LINGO2: variants seen among roughly 807,000 people sequenced by gnomAD.
LINGO2 encodes leucine rich repeat and Ig domain containing 2.
Under a neutral mutation model 30.6 loss-of-function variants are expected in LINGO2, and 14 were observed. That is an observed-to-expected ratio of 0.46 (90% CI 0.30 to 0.72). LINGO2 has a LOEUF of 0.72. LINGO2 is among the 30% of genes least tolerant of loss of function. LINGO2 has a pLI of 0.07. For synonymous variants in LINGO2, 317 were observed against 288.5 expected (o/e 1.10, Z -1.00); for missense variants, 729 against 751.7 (o/e 0.97, Z 0.35).
At chr9:28,548,081 C>G (rs1191141795) in intron 1 of LINGO2, among the ~76,000 whole-genome samples, 2 of 152,070 alleles carry the variant, frequency 1.3e-5, no homozygotes, top group Non-Finnish European at 2.9e-5. Flanking sequence ...ACCTGGAGAG[C>G]TCACAGATCC....
intron 4 of LINGO2, among the ~76,000 whole-genome samples, chr9:28,246,769 A>G (rs1377737362): frequency 6.6e-6 from 1 of 152,184 alleles, no homozygotes; most frequent in Admixed American, 6.5e-5. Context: ...TAATTAAACT[A>G]AAGAGCTTCT....
At chr9:28,210,474 G>A (rs1820550220) in intron 4 of LINGO2, among the ~76,000 whole-genome samples, 2 of 151,606 alleles carry the variant, frequency 1.3e-5, no homozygotes, top group African/African-American at 2.4e-5. Flanking sequence ...AATAGATGCT[G>A]TTCATATGAA....
At chr9:28,029,550 T>C (rs117020891) in intron 4 of LINGO2, among the ~76,000 whole-genome samples, 9 of 152,234 alleles carry the variant, frequency 5.9e-5, no homozygotes, top group Non-Finnish European at 8.8e-5. Context: ...GGAGCAGCTA[T>C]GAAAGGAACC....
At chr9:27,971,304 T>C (rs1820341861) in intron 5 of LINGO2, among the ~76,000 whole-genome samples, 1 of 152,006 alleles carries the variant, frequency 6.6e-6, no homozygotes, top group African/African-American at 2.4e-5. Flanking sequence ...TCTTTCCCTC[T>C]CACCCAAAGT....
chr9:28,931,442 G>T, the LINGO2 span, among the ~76,000 whole-genome samples: 1 of 152,168 alleles, frequency 6.6e-6, no homozygotes, highest in Non-Finnish European at 1.5e-5. Flanking sequence ...CTCTGGTACT[G>T]AGTTACTCAA....
At chr9:29,164,875 G>C in the LINGO2 span, among the ~76,000 whole-genome samples, 1 of 152,006 alleles carries the variant, frequency 6.6e-6, no homozygotes, top group Non-Finnish European at 1.5e-5. Context: ...TTTATTCACT[G>C]ATCTATTAAC....
the LINGO2 span, among the ~76,000 whole-genome samples, chr9:29,118,890 C>T: frequency 6.6e-6 from 1 of 152,156 alleles, no homozygotes; most frequent in Non-Finnish European, 1.5e-5. Context: ...CCCATCCATG[C>T]CCCAGTAACA....
At chr9:28,792,338 G>A in the LINGO2 span, among the ~76,000 whole-genome samples, 16 of 151,960 alleles carry the variant, frequency 1.1e-4, no homozygotes, top group South Asian at 2.1e-4. Flanking sequence ...ATAAATCCCC[G>A]AATCGAAATA....
At chr9:28,203,601 G>A (rs1275742617) in intron 4 of LINGO2, among the ~76,000 whole-genome samples, 1 of 152,000 alleles carries the variant, frequency 6.6e-6, no homozygotes, top group Non-Finnish European at 1.5e-5. Context: ...TAAAGAATGT[G>A]ATAAACTCAT....
At chr9:28,506,487 T>TATATATATATATATATATAGATAG (rs1554729610) in intron 1 of LINGO2, among the ~76,000 whole-genome samples, 2 of 40,446 alleles carry the variant, frequency 4.9e-5, no homozygotes, top group African/African-American at 1.3e-4. Flanking sequence ...CACATACACA[T>TATATATATATATATATATAGATAG]ACACACACAC....
the LINGO2 span, among the ~76,000 whole-genome samples, chr9:28,927,663 T>C: frequency 2.0e-5 from 3 of 152,174 alleles, no homozygotes; most frequent in African/African-American, 2.4e-5. Flanking sequence ...ACTGGATAAA[T>C]ATTACTTCCT....
At chr9:29,164,705 AAC>A in the LINGO2 span, among the ~76,000 whole-genome samples, 2 of 152,102 alleles carry the variant, frequency 1.3e-5, no homozygotes, top group South Asian at 4.2e-4. Context: ...CAATTTGTAT[AAC>A]ACACATACAC....
the LINGO2 span, among the ~76,000 whole-genome samples, chr9:29,127,244 C>T: frequency 6.6e-6 from 1 of 152,118 alleles, no homozygotes; most frequent in Non-Finnish European, 1.5e-5. Context: ...GTTTTCATTG[C>T]TTCACTTTTT....
At chr9:28,222,993 T>C (rs1821019854) in intron 4 of LINGO2, among the ~76,000 whole-genome samples, 1 of 152,034 alleles carries the variant, frequency 6.6e-6, no homozygotes, top group Non-Finnish European at 1.5e-5. Context: ...TATTTCAAGA[T>C]ACAGTCATGA....
chr9:29,201,562 CATATT>C, the LINGO2 span, among the ~76,000 whole-genome samples: 1 of 152,054 alleles, frequency 6.6e-6, no homozygotes, highest in Admixed American at 6.6e-5. Flanking sequence ...AAATCAAACT[CATATT>C]ATATTAAGAT....
chr9:28,943,942 A>G, the LINGO2 span, among the ~76,000 whole-genome samples: 11 of 152,224 alleles, frequency 7.2e-5, no homozygotes, highest in African/African-American at 2.4e-4. Flanking sequence ...TGAGTAACAC[A>G]TTCACGGAAG....
chr9:28,205,302 G>T (rs1295851737), intron 4 of LINGO2, among the ~76,000 whole-genome samples: 1 of 152,060 alleles, frequency 6.6e-6, no homozygotes, highest in Non-Finnish European at 1.5e-5. Context: ...CCTGTGTTTT[G>T]CTGTTCCTTT....
chr9:28,289,989 A>G (rs1823658382), intron 4 of LINGO2, among the ~76,000 whole-genome samples: 1 of 152,186 alleles, frequency 6.6e-6, no homozygotes, highest in Admixed American at 6.5e-5. Context: ...GCTTTGGCTC[A>G]CAGCCAGGAG....
Position 28,054,487 on chromosome 9 carries a change from C to T in LINGO2, c.-86-42082G>A, listed in dbSNP as rs143445808. Among the ~76,000 whole-genome samples the T allele has an allele frequency of 2.8e-3, 422 of 152,088 alleles. 1 individual carries two copies. The highest frequency in any genetic ancestry group is 4.0e-3 in the Non-Finnish European group (275 of 67,982). On this transcript the variant is annotated intron_variant, in intron 4 of 5. Transcript: ENST00000379992. ...ACAATTTTATCTAGACCTTAGCTAACGTAGTATATATTAGGTATATTAAGA... is the reference window on the plus strand; with the variant it reads ...ACAATTTTATCTAGACCTTAGCTAATGTAGTATATATTAGGTATATTAAGA...
Sources: gnomAD v4.1 joint callset for allele counts (sites outside exome capture counted in the v4.1 genomes callset) on GRCh38, gnomAD v4.1.1 for gene constraint, MANE v1.5 for transcripts, NCBI Gene and HGNC (gene_info 2026-07-23, HGNC 2026-07-21) for gene names.